The following FXR1 variants were observed in gnomAD, a reference collection of about 807,000 sequenced individuals.
The protein encoded by FXR1 is FMR1 autosomal homolog 1, also known as RNA-binding protein FXR1.
FXR1 carries 15 observed loss-of-function variants against 84.0 expected under a neutral mutation model. The observed-to-expected ratio is 0.18, with a 90% CI of 0.12 to 0.27. The LOEUF is 0.27. Ranked by LOEUF, FXR1 falls within the 10% of genes least tolerant of loss-of-function variation. The probability of loss-of-function intolerance (pLI) is 1.00; values close to 1 mark genes in which losing one functional copy is unlikely to be tolerated. For synonymous variants in FXR1, 245 were observed against 250.7 expected, an observed-to-expected ratio of 0.98 and a Z score of 0.21; for missense variants, 480 against 774.4, an observed-to-expected ratio of 0.62 and a Z score of 4.51.
In FXR1 at chr3:180,980,924, T is replaced by G. The variant is rs1289182826; in HGVS notation, c.*4632T>G. 6.7e-6 allele frequency: 1 copy of G among 149,656 alleles called. No homozygotes were observed. Among genetic ancestry groups the G allele is most frequent in the East Asian group, 1.9e-4 (1 of 5,188 alleles). 9.3% of individuals were successfully genotyped at this position (149,656 alleles called of 1,614,324 possible). A position where few individuals can be genotyped will look rare whatever the true frequency, so the allele number is the denominator to read the frequency against. On this transcript the variant is annotated 3_prime_UTR_variant, in exon 17 of 17. Coordinates refer to ENST00000357559, the MANE Select transcript of FXR1 (RefSeq NM_005087.4). The stretch of plus-strand genomic sequence containing the variant: ...AAAAACCTAGGAGAGCATTCTACAT[T>G]GTAATTTTTTTTTTACTTTGTTTAC...
chr3:180,971,651 ATGT>A (rs1338242438), intron 15 of FXR1: 1 of 152,682 alleles, frequency 6.5e-6, no homozygotes, highest in African/African-American at 2.4e-5. Flanking sequence ...CGAGGAATGC[ATGT>A]TGTTTTTGTT....
intron 14 of FXR1, among the ~76,000 whole-genome samples, chr3:180,968,991 C>T (rs1444128544): frequency 6.6e-6 from 1 of 152,132 alleles, no homozygotes; most frequent in Non-Finnish European, 1.5e-5. Context: ...CCCGCACCTT[C>T]CTTAATGTTA....
rs764837105 is a variant in FXR1 at position 180,961,461 on chromosome 3, T to A, written c.991-7T>A. 3.9e-5 allele frequency: 56 copies of A among 1,433,690 alleles called. No individual in the cohort carries two copies. The highest frequency in any genetic ancestry group is 4.9e-5 in the Non-Finnish European group (50 of 1,027,442). 88.8% of individuals were successfully genotyped at this position (1,433,690 alleles called of 1,614,324 possible). A position where few individuals can be genotyped will look rare whatever the true frequency, so the allele number is the denominator to read the frequency against. On this transcript the variant is annotated splice_region_variant and splice_polypyrimidine_tract_variant and intron_variant, in intron 10 of 16. Coordinates refer to ENST00000357559, the MANE Select transcript of FXR1 (RefSeq NM_005087.4). Reference sequence around the variant, plus strand: ...AACACTGAATACTTTTTTTTTTTTTTAAACAGGGTATGGTTCCATTTGTAT... The same window carrying A: ...AACACTGAATACTTTTTTTTTTTTTAAAACAGGGTATGGTTCCATTTGTAT...
At chr3:180,943,870 C>T (rs1411190604) in intron 3 of FXR1, among the ~76,000 whole-genome samples, 1 of 151,996 alleles carries the variant, frequency 6.6e-6, no homozygotes, top group Non-Finnish European at 1.5e-5. Flanking sequence ...TTCGAACTGC[C>T]TCTCTGAGAT....
chr3:180,963,847 G>C lies in FXR1; in HGVS notation c.1198+757G>C, dbSNP rs562788672. Reference sequence around the variant, plus strand: ...TTTCTACATTTGGACTTGGATCTTAGCAGTGACCTGATTTGTTTTTTTCCT... The same window carrying C: ...TTTCTACATTTGGACTTGGATCTTACCAGTGACCTGATTTGTTTTTTTCCT... On this transcript the variant is annotated intron_variant, in intron 13 of 16. Coordinates refer to ENST00000357559, the MANE Select transcript of FXR1 (RefSeq NM_005087.4). Among the ~76,000 whole-genome samples, 11 of 152,048 alleles carry C rather than the reference G, an allele frequency of 7.2e-5. No individual in the cohort carries two copies. In the East Asian group the frequency reaches 1.9e-3, roughly 27 times the overall value.
intron 1 of FXR1, among the ~76,000 whole-genome samples, chr3:180,920,453 G>T (rs912273569): frequency 6.6e-6 from 1 of 151,776 alleles, no homozygotes; most frequent in African/African-American, 2.4e-5. Flanking sequence ...AAAACTTTAT[G>T]CATGCATAGA....
chr3:180,917,732 A>G (rs1054595884), intron 1 of FXR1, among the ~76,000 whole-genome samples: 1 of 152,054 alleles, frequency 6.6e-6, no homozygotes, highest in East Asian at 1.9e-4. Flanking sequence ...GTGGATCACG[A>G]GGTCAGGAGT....
chr3:180,923,430 C>G (rs1191342462), intron 1 of FXR1, among the ~76,000 whole-genome samples: 1 of 152,132 alleles, frequency 6.6e-6, no homozygotes, highest in Non-Finnish European at 1.5e-5. Context: ...CTTGGATCCT[C>G]TCTTGTTATA....
chr3:180,914,913 T>A, intron 1 of FXR1: 1 of 984,716 alleles, frequency 1.0e-6, no homozygotes. Flanking sequence ...TTGTGGAAAC[T>A]GTGGTCTTCA....
intron 1 of FXR1, among the ~76,000 whole-genome samples, chr3:180,929,472 T>C (rs962849302): frequency 2.0e-5 from 3 of 152,290 alleles, no homozygotes; most frequent in African/African-American, 7.2e-5. Context: ...AAATCTTCTG[T>C]GTTTGCATAT....
Position 180,961,353 on chromosome 3 carries a change from AAAAAAAAAAAAAAAG to A in FXR1, c.991-114_991-100del, listed in dbSNP as rs1192116803. 2.7e-4 allele frequency: 122 copies of A among 446,158 alleles called. 1 individual carries two copies. The highest frequency in any genetic ancestry group is 8.5e-4 in the African/African-American group (39 of 46,012). 27.6% of individuals were successfully genotyped at this position (446,158 alleles called of 1,614,324 possible). The stretch of plus-strand genomic sequence containing the variant: ...AGACGTCATCTCAAAAAAAAAAAAA[AAAAAAAAAAAAAAAG>A]GTGTGTGTGTGTGTGCCTGCCTGTC... On this transcript the variant is annotated intron_variant, in intron 10 of 16. Coordinates refer to ENST00000357559, the MANE Select transcript of FXR1 (RefSeq NM_005087.4).
At chr3:180,924,174 T>C (rs942057497) in intron 1 of FXR1, among the ~76,000 whole-genome samples, 2 of 152,122 alleles carry the variant, frequency 1.3e-5, no homozygotes, top group African/African-American at 4.8e-5. Flanking sequence ...GGCCTCGAAC[T>C]CCTGACCTCA....
chr3:180,965,242 C>T (rs925535140), intron 13 of FXR1, among the ~76,000 whole-genome samples: 14 of 152,078 alleles, frequency 9.2e-5, no homozygotes, highest in African/African-American at 3.4e-4. Context: ...TCTCAAACTC[C>T]AGACCTCAGG....
At chr3:180,926,495 TATATATATA>T (rs1345866283) in intron 1 of FXR1, among the ~76,000 whole-genome samples, 4 of 109,640 alleles carry the variant, frequency 3.6e-5, no homozygotes, top group African/African-American at 9.1e-5. Flanking sequence ...TATATATATA[TATATATATA>T]TATTTTTTTT....
rs997215084 is a variant in FXR1 at position 180,945,466 on chromosome 3, A to G, written c.199-2399A>G. On this transcript the variant is annotated intron_variant, in intron 3 of 16. Coordinates refer to ENST00000357559, the MANE Select transcript of FXR1 (RefSeq NM_005087.4). ...GTCACCCAGGGTTGAGTGTAGTGGT[A>G]CAATCTTGGCTCACTGCAGTCTCAA... Among the ~76,000 whole-genome samples, 16 of 152,206 alleles carry G rather than the reference A, an allele frequency of 1.1e-4. No homozygotes were observed. The South Asian group carries it at 2.3e-3, about 22-fold the overall frequency.
intron 1 of FXR1, among the ~76,000 whole-genome samples, chr3:180,922,360 G>C (rs530232703): frequency 5.4e-4 from 82 of 152,102 alleles, no homozygotes; most frequent in Middle Eastern, 3.2e-3. Flanking sequence ...CCAGTCTGTT[G>C]GATGTAAAGG....
chr3:180,975,568 A>ATC (rs1346990677), intron 16 of FXR1, among the ~76,000 whole-genome samples, 164 bp downstream of exon 16: 1 of 152,156 alleles, frequency 6.6e-6, no homozygotes, highest in Non-Finnish European at 1.5e-5. Flanking sequence ...GTAACTAAAG[A>ATC]TATGCATGCT....
At chr3:180,970,106 C>A (rs1577002653) in intron 14 of FXR1, 52 bp from the exon 15 acceptor site, 2 of 932,422 alleles carry the variant, frequency 2.1e-6, no homozygotes, top group East Asian at 4.8e-5. Context: ...ATCAAACATT[C>A]ATAATTGCAG....
chr3:180,951,073 A>C (rs981700732), intron 7 of FXR1, among the ~76,000 whole-genome samples: 1 of 151,708 alleles, frequency 6.6e-6, no homozygotes, highest in African/African-American at 2.4e-5. Flanking sequence ...AAAAAAAAAA[A>C]TTAGCTGGGC....
Sources: allele counts gnomAD v4.1 joint callset (sites outside exome capture counted in the v4.1 genomes callset), GRCh38; gene constraint gnomAD v4.1.1; transcripts MANE v1.5; gene names NCBI Gene and HGNC (gene_info 2026-07-23, HGNC 2026-07-21).